The following POU6F2 variants were observed in gnomAD, a reference collection of about 807,000 sequenced individuals.
The protein encoded by POU6F2 is POU domain, class 6, transcription factor 2.
In POU6F2, 31 loss-of-function variants were observed where a neutral mutation model predicts 71.3. The ratio of observed to expected loss-of-function variants is 0.43; its 90% CI spans 0.33 to 0.59. The LOEUF (loss-of-function observed/expected upper bound fraction) is 0.59. Among genes scored for constraint, POU6F2 ranks in the 20% least tolerant of loss-of-function variants. The probability of loss-of-function intolerance (pLI) is 0.04; values close to 1 mark genes in which losing one functional copy is unlikely to be tolerated. For missense variants in POU6F2, 783 were observed against 856.8 expected (o/e 0.91, Z 1.07); for synonymous variants, 347 against 355.7 (o/e 0.98, Z 0.27).
chr7:39,271,051 TC>T (rs1274991867), intron 4 of POU6F2, among the ~76,000 whole-genome samples: 1 of 152,142 alleles, frequency 6.6e-6, no homozygotes, highest in Non-Finnish European at 1.5e-5. Flanking sequence ...GGGTAGTGTA[TC>T]CCTCAATGTA....
intron 2 of POU6F2, among the ~76,000 whole-genome samples, chr7:39,186,923 C>T (rs917879256): frequency 1.2e-4 from 19 of 152,284 alleles, no homozygotes; most frequent in East Asian, 9.7e-4. Flanking sequence ...AGCTGTGACC[C>T]GGTTTCCCAG....
intron 5 of POU6F2, among the ~76,000 whole-genome samples, chr7:39,354,253 T>G (rs1175683605): frequency 6.6e-6 from 1 of 152,276 alleles, no homozygotes; most frequent in Admixed American, 6.5e-5. Flanking sequence ...TGTGCTTGTT[T>G]GGCTTTGTGC....
At chr7:39,160,037 A>G (rs980849613) in intron 2 of POU6F2, among the ~76,000 whole-genome samples, 2 of 152,080 alleles carry the variant, frequency 1.3e-5, no homozygotes, top group African/African-American at 4.8e-5. Context: ...GATGGTGTGG[A>G]CAGAAGTGGA....
At chr7:39,044,685 A>T (rs1044834076) in intron 1 of POU6F2, among the ~76,000 whole-genome samples, 1 of 152,026 alleles carries the variant, frequency 6.6e-6, no homozygotes, top group Admixed American at 6.6e-5. Flanking sequence ...TTAGCACAGG[A>T]TGTCGTTTCT....
chr7:39,082,235 G>T (rs953618950), intron 1 of POU6F2, among the ~76,000 whole-genome samples: 3 of 152,222 alleles, frequency 2.0e-5, no homozygotes, highest in African/African-American at 7.2e-5. Flanking sequence ...TCCACCGTCT[G>T]GTTCTTGGGT....
intron 2 of POU6F2, among the ~76,000 whole-genome samples, chr7:39,166,824 T>A (rs534440558): frequency 6.6e-6 from 1 of 152,280 alleles, no homozygotes; most frequent in South Asian, 2.1e-4. Context: ...GTGCACTTCT[T>A]GGGGGATAAA....
intron 1 of POU6F2, among the ~76,000 whole-genome samples, chr7:38,983,395 CTT>C (rs5883668): frequency 1.3e-3 from 165 of 130,516 alleles, no homozygotes; most frequent in East Asian, 2.2e-3. Context: ...TCCCTCCTTT[CTT>C]TTTTTTTTTT....
At chr7:39,423,438 T>C (rs3819422) in intron 6 of POU6F2, among the ~76,000 whole-genome samples, 45,114 of 152,018 alleles carry the variant, frequency 0.3, 7,129 homozygotes, top group East Asian at 0.54. Flanking sequence ...CCTGCCCCCA[T>C]GCCAGGCACA....
chr7:39,221,991 T>C (rs982099413), intron 4 of POU6F2, among the ~76,000 whole-genome samples: 2 of 152,164 alleles, frequency 1.3e-5, no homozygotes. Flanking sequence ...TTTCTGGGAT[T>C]AAAAAAAAGT....
At chr7:39,034,648 G>A (rs1292480296) in intron 1 of POU6F2, among the ~76,000 whole-genome samples, 1 of 152,154 alleles carries the variant, frequency 6.6e-6, no homozygotes, top group African/African-American at 2.4e-5. Context: ...TCTATTTAAA[G>A]TGGACACTGC....
At chr7:39,103,173 A>C (rs1387087998) in intron 2 of POU6F2, among the ~76,000 whole-genome samples, 1 of 152,256 alleles carries the variant, frequency 6.6e-6, no homozygotes, top group Non-Finnish European at 1.5e-5. Context: ...ACTTCATAGG[A>C]AACTCAAATC....
At chr7:39,039,189 A>G (rs565880808) in intron 1 of POU6F2, among the ~76,000 whole-genome samples, 14 of 151,994 alleles carry the variant, frequency 9.2e-5, no homozygotes, top group African/African-American at 2.9e-4. Flanking sequence ...TTTTCTCGAC[A>G]TTTCTCTTGC....
chr7:39,076,761 T>G (rs1379727712), intron 1 of POU6F2, among the ~76,000 whole-genome samples: 1 of 152,168 alleles, frequency 6.6e-6, no homozygotes, highest in African/African-American at 2.4e-5. Flanking sequence ...GGCACCTCTC[T>G]AAAACCCTCA....
At chr7:39,360,979 T>G (rs528775642) in intron 5 of POU6F2, among the ~76,000 whole-genome samples, 1 of 152,284 alleles carries the variant, frequency 6.6e-6, no homozygotes, top group South Asian at 2.1e-4. Flanking sequence ...ACCTCCTATC[T>G]CATCCTATGA....
intron 5 of POU6F2, among the ~76,000 whole-genome samples, chr7:39,389,784 GA>G (rs1394802880): frequency 6.6e-6 from 1 of 152,098 alleles, no homozygotes; most frequent in African/African-American, 2.4e-5. Context: ...CAAATGAATA[GA>G]AAATAATGAA....
At chr7:39,287,162 A>C (rs1265844447) in intron 4 of POU6F2, among the ~76,000 whole-genome samples, 3 of 152,190 alleles carry the variant, frequency 2.0e-5, no homozygotes, top group African/African-American at 7.2e-5. Context: ...TTAATAGCCC[A>C]ACAAGCAATG....
At chr7:39,077,852 G>A (rs1791031234) in intron 1 of POU6F2, among the ~76,000 whole-genome samples, 1 of 152,162 alleles carries the variant, frequency 6.6e-6, no homozygotes, top group African/African-American at 2.4e-5. Context: ...AATTTGCCTA[G>A]GACATCCTTT....
chr7:39,389,872 C>T (rs1204809699), intron 5 of POU6F2, among the ~76,000 whole-genome samples: 1 of 152,204 alleles, frequency 6.6e-6, no homozygotes, highest in Admixed American at 6.5e-5. Context: ...AAAATAGACA[C>T]ATATGGCCAC....
At chr7:39,275,707 T>C (rs1283628339) in intron 4 of POU6F2, among the ~76,000 whole-genome samples, 1 of 152,044 alleles carries the variant, frequency 6.6e-6, no homozygotes, top group Non-Finnish European at 1.5e-5. Context: ...AACAGACATA[T>C]AGATCAATGG....
Sources: gnomAD v4.1 joint callset for allele counts (sites outside exome capture counted in the v4.1 genomes callset) on GRCh38, gnomAD v4.1.1 for gene constraint, MANE v1.5 for transcripts, NCBI Gene and HGNC (gene_info 2026-07-23, HGNC 2026-07-21) for gene names.